The following CSN1S1 variants were observed in gnomAD, a reference collection of about 807,000 sequenced individuals.
CSN1S1 encodes alpha-S1-casein.
In CSN1S1, 63 loss-of-function variants were observed where a neutral mutation model predicts 49.1. That is an observed-to-expected ratio of 1.28 (90% CI 1.05 to 1.58). The LOEUF (loss-of-function observed/expected upper bound fraction) is 1.58, where lower values mean the gene tolerates loss of function less well. CSN1S1 is among the 40% of genes most tolerant of loss of function. CSN1S1 has a pLI of 0.00. For missense variants in CSN1S1, 260 were observed against 224.7 expected (o/e 1.16, Z -1.01); for synonymous variants, 78 against 67.1 (o/e 1.16, Z -0.79).
chr4:69,944,729 T>C (rs1723096705), intron 14 of CSN1S1, 121 bp from the exon 15 acceptor site: 2 of 1,020,356 alleles, frequency 2.0e-6, no homozygotes, highest in Non-Finnish European at 1.4e-6. Flanking sequence ...CCTCACAGAG[T>C]AATCATTTTT....
intron 3 of CSN1S1, 149 bp from the exon 4 acceptor site, chr4:69,934,541 A>G (rs1722708853): frequency 1.4e-6 from 1 of 715,082 alleles, no homozygotes; most frequent in Non-Finnish European, 2.4e-6. Flanking sequence ...TGTTACACAT[A>G]TTCAAGCATG....
In CSN1S1 at chr4:69,944,966, T is replaced by A; in HGVS notation, c.519T>A (p.His173Gln). ...CCGACATCTCCAATCCCACTGCTCA[T>A]GAAAATTATGAAAAAAATAACGTCA... ...PFSDISNPTA[H>Q]ENYEKNNVML... The change falls in exon 15 of 16, where the codon CAT becomes CAA. Residue 173 changes from histidine (H) to glutamine (Q), a missense_variant. By Grantham distance (24) the His-to-Gln change is conservative. Transcript: ENST00000246891. 2 of 1,612,772 alleles carry A rather than the reference T, an allele frequency of 1.2e-6. No homozygotes were observed. Among genetic ancestry groups the A allele is most frequent in the Non-Finnish European group, 1.7e-6 (2 of 1,179,182 alleles).
intron 10 of CSN1S1, among the ~76,000 whole-genome samples, chr4:69,939,681 G>A (rs887522428): frequency 6.6e-6 from 1 of 151,664 alleles, no homozygotes; most frequent in African/African-American, 2.4e-5. Flanking sequence ...AAAAAGTGGT[G>A]CGGTTTTTCC....
At chr4:69,944,572 T>G (rs1488980899) in intron 14 of CSN1S1, among the ~76,000 whole-genome samples, 1 of 151,930 alleles carries the variant, frequency 6.6e-6, no homozygotes, top group African/African-American at 2.4e-5. Flanking sequence ...AGTGGACCTG[T>G]GAGTAATGTG....
intron 2 of CSN1S1, 123 bp downstream of exon 2, chr4:69,932,729 G>A: frequency 1.2e-6 from 1 of 852,634 alleles, no homozygotes; most frequent in South Asian, 1.5e-5. Context: ...ATTGGCCTCT[G>A]AAGTCTTGAC....
intron 7 of CSN1S1, among the ~76,000 whole-genome samples, chr4:69,936,842 A>G (rs1722802814): frequency 6.6e-6 from 1 of 151,996 alleles, no homozygotes; most frequent in South Asian, 2.1e-4. Context: ...GAATGAAATA[A>G]CAAATAAACA....
chr4:69,936,870 A>T (rs562167972), intron 7 of CSN1S1, among the ~76,000 whole-genome samples: 9 of 152,092 alleles, frequency 5.9e-5, no homozygotes, highest in Admixed American at 3.3e-4. Flanking sequence ...GCAATTATGT[A>T]TTCACATTTA....
chr4:69,931,905 A>G (rs1218962613), intron 1 of CSN1S1, among the ~76,000 whole-genome samples: 1 of 152,090 alleles, frequency 6.6e-6, no homozygotes, highest in Admixed American at 6.6e-5. Context: ...TTTTGATTCT[A>G]TCCAATTCAA....
At chr4:69,931,915 A>G (rs541369998) in intron 1 of CSN1S1, among the ~76,000 whole-genome samples, 2 of 152,088 alleles carry the variant, frequency 1.3e-5, no homozygotes, top group East Asian at 3.9e-4. Flanking sequence ...ATCCAATTCA[A>G]TCATCTTTAT....
chr4:69,940,262 C>T (rs1022531829), intron 11 of CSN1S1, among the ~76,000 whole-genome samples: 8 of 151,452 alleles, frequency 5.3e-5, no homozygotes, highest in African/African-American at 1.9e-4. Flanking sequence ...AATTATTTAT[C>T]CTTTTCAATA....
At chr4:69,943,008 C>A (rs1723024246) in intron 14 of CSN1S1, among the ~76,000 whole-genome samples, 1 of 148,862 alleles carries the variant, frequency 6.7e-6, no homozygotes, top group Non-Finnish European at 1.5e-5. Flanking sequence ...GAGAAAGAAA[C>A]TTTTAGTTCC....
intron 5 of CSN1S1, 150 bp downstream of exon 5, chr4:69,936,099 T>C: frequency 1.5e-6 from 1 of 662,956 alleles, no homozygotes; most frequent in Non-Finnish European, 2.6e-6. Context: ...TAAATGCACA[T>C]TTACATACTA....
Position 69,937,842 on chromosome 4 carries a change from A to G in CSN1S1, c.243+19A>G. 1 of 1,576,242 alleles carries G rather than the reference A, an allele frequency of 6.3e-7. No homozygotes were observed. ...GCCTGAGGTAAGACCCATTCATTCT[A>G]GTGAACTCTACACTTACGTATCAAA... is the stretch of plus-strand genomic sequence containing the variant. On this transcript the variant is annotated intron_variant, in intron 9 of 15. Coordinates refer to ENST00000246891, the MANE Select transcript of CSN1S1 (RefSeq NM_001890.2).
In CSN1S1 at chr4:69,942,028, A is replaced by T; in HGVS notation, c.343-18A>T. On this transcript the variant is annotated intron_variant, in intron 12 of 15. Coordinates refer to ENST00000246891, the MANE Select transcript of CSN1S1 (RefSeq NM_001890.2). ...AATAAAATGAAAATACTAAAACAGA[A>T]TGTTTTCTCCTCCCTAGCAAGCTGC... 6.9e-7 allele frequency: 1 copy of T among 1,442,316 alleles called. No individual in the cohort carries two copies. Among genetic ancestry groups the T allele is most frequent in the Non-Finnish European group, 9.4e-7 (1 of 1,068,012 alleles). The allele number at this position is 1,442,316 out of a possible 1,614,324, so 89.3% of individuals were successfully genotyped here.
Position 69,944,953 on chromosome 4 carries a change from A to T in CSN1S1, c.506A>T (p.Asn169Ile), listed in dbSNP as rs1045669436. ...VPFPPFSDIS[N>I]PTAHENYEKN... is the part of the protein sequence containing the mutation. ...TTCCCACCGTTTTCCGACATCTCCAATCCCACTGCTCATGAAAATTATGAA... is the reference window on the plus strand; with the variant it reads ...TTCCCACCGTTTTCCGACATCTCCATTCCCACTGCTCATGAAAATTATGAA... The change falls in exon 15 of 16, where the codon AAT (asparagine) becomes ATT (isoleucine). Residue 169 changes from asparagine (N) to isoleucine (I), a missense_variant. Asn to Ile is a moderately radical substitution (Grantham distance 149). Coordinates refer to ENST00000246891, the MANE Select transcript of CSN1S1 (RefSeq NM_001890.2). 10 of 1,612,846 alleles carry T rather than the reference A, an allele frequency of 6.2e-6. No individual in the cohort carries two copies. The South Asian group carries it at 1.1e-4, about 18-fold the overall frequency.
At chr4:69,940,946 T>C in intron 11 of CSN1S1, 73 bp from the exon 12 acceptor site, 1 of 747,996 alleles carries the variant, frequency 1.3e-6, no homozygotes, top group Non-Finnish European at 2.2e-6. Flanking sequence ...AGATTCTTGT[T>C]TCATCATATG....
At chr4:69,943,018 C>T (rs1197207269) in intron 14 of CSN1S1, among the ~76,000 whole-genome samples, 2 of 149,884 alleles carry the variant, frequency 1.3e-5, no homozygotes, top group Non-Finnish European at 3.0e-5. Flanking sequence ...CTTTTAGTTC[C>T]TCACAGTACA....
Position 69,936,581 on chromosome 4 carries a change from A to G in CSN1S1, c.169A>G (p.Arg57Gly). Residue 57 changes from arginine (R) to glycine (G), a missense_variant, in exon 7 of 16, where the codon AGA (arginine) becomes GGA (glycine). Physicochemically the swap from Arg to Gly is moderately radical, Grantham distance 125. Transcript: ENST00000246891. ...NGMNRQRNIL[R>G]EKQTDEIKDT... ...TTGATTTTAGCAGAGAAACATTCTGAGAGAAAAACAGACTGATGAAATCAA... is the reference window on the plus strand; with the variant it reads ...TTGATTTTAGCAGAGAAACATTCTGGGAGAAAAACAGACTGATGAAATCAA... 1 of 1,606,340 alleles carries G rather than the reference A, an allele frequency of 6.2e-7. No homozygotes were observed. Among genetic ancestry groups the G allele is most frequent in the Admixed American group, 1.7e-5 (1 of 59,000 alleles).
At chr4:69,936,691 A>G in intron 7 of CSN1S1, 84 bp downstream of exon 7, 2 of 1,267,554 alleles carry the variant, frequency 1.6e-6, no homozygotes, top group Non-Finnish European at 2.2e-6. Context: ...AAAAAAAAGC[A>G]TTTTTCTATG....
Sources: allele counts gnomAD v4.1 joint callset (sites outside exome capture counted in the v4.1 genomes callset), GRCh38; gene constraint gnomAD v4.1.1; transcripts MANE v1.5; gene names NCBI Gene and HGNC (gene_info 2026-07-23, HGNC 2026-07-21).